The following KAZN variants were observed in gnomAD, a reference collection of about 807,000 sequenced individuals.
KAZN encodes the protein kazrin.
KAZN carries 40 observed loss-of-function variants against 87.4 expected under a neutral mutation model. That is an observed-to-expected ratio of 0.46 (90% confidence interval 0.36 to 0.60). KAZN has a LOEUF of 0.60. Among genes scored for constraint, KAZN ranks in the 20% least tolerant of loss-of-function variants. The pLI, the probability that KAZN is intolerant of heterozygous loss-of-function variation, is 0.00. For synonymous variants in KAZN, 466 were observed against 458.3 expected (o/e 1.02, Z -0.22); for missense variants, 898 against 1,073.9 (o/e 0.84, Z 2.29).
At chr1:14,624,678 G>A (rs910535870) in intron 1 of KAZN, among the ~76,000 whole-genome samples, 4 of 152,192 alleles carry the variant, frequency 2.6e-5, no homozygotes, top group Admixed American at 1.3e-4. Flanking sequence ...GGTGAAGAGA[G>A]TTCATTCATT....
chr1:14,326,203 G>A (rs1182921787), intron 2 of KAZN, among the ~76,000 whole-genome samples: 5 of 151,190 alleles, frequency 3.3e-5, no homozygotes, highest in South Asian at 4.2e-4. Context: ...CCCTACCCCC[G>A]CCCCACCGCC....
intron 1 of KAZN, among the ~76,000 whole-genome samples, chr1:14,012,368 T>G (rs780512186): frequency 3.4e-4 from 51 of 152,230 alleles, no homozygotes; most frequent in Admixed American, 2.6e-4. Context: ...TATTTAATTC[T>G]TATTCCAAAA....
chr1:15,044,176 C>A lies in KAZN; in HGVS notation c.726+17C>A. 2.5e-6 allele frequency: 4 copies of A among 1,576,140 alleles called. No individual in the cohort carries two copies. The highest frequency in any genetic ancestry group is 3.5e-6 in the Non-Finnish European group (4 of 1,157,712). On this transcript the variant is annotated intron_variant, in intron 4 of 14. Transcript: ENST00000376030. Reference sequence around the variant, plus strand: ...CTGGCCATGGTGAGAACCCTCCCCACCCAGGTGGGCCTGGCATCTGCTAGC... The same window carrying A: ...CTGGCCATGGTGAGAACCCTCCCCAACCAGGTGGGCCTGGCATCTGCTAGC...
intron 1 of KAZN, among the ~76,000 whole-genome samples, chr1:14,683,518 C>T (rs1014728469): frequency 2.0e-5 from 3 of 152,202 alleles, no homozygotes; most frequent in African/African-American, 7.2e-5. Flanking sequence ...ACGTTTTCTC[C>T]ACTCCAGCCC....
At chr1:14,085,739 T>TG (rs1643834488) in intron 1 of KAZN, among the ~76,000 whole-genome samples, 1 of 152,186 alleles carries the variant, frequency 6.6e-6, no homozygotes, top group South Asian at 2.1e-4. Context: ...TCTTTCTAGG[T>TG]GGATATGAGC....
At chr1:14,194,011 T>C (rs541038732) in intron 2 of KAZN, among the ~76,000 whole-genome samples, 51 of 152,274 alleles carry the variant, frequency 3.3e-4, no homozygotes, top group African/African-American at 1.2e-3. Context: ...ACCTGGCTTA[T>C]GGCTTTCTTT....
At chr1:14,064,502 C>T (rs1253412549) in intron 1 of KAZN, among the ~76,000 whole-genome samples, 6 of 152,364 alleles carry the variant, frequency 3.9e-5, no homozygotes. Flanking sequence ...TAGAGGGGCT[C>T]ACTAAGCTGA....
In KAZN at chr1:15,084,402, C is replaced by T. The variant is rs1190808268; in HGVS notation, c.1223-9778C>T. Among the ~76,000 whole-genome samples the T allele has an allele frequency of 2.6e-5, 4 of 152,216 alleles. No homozygotes were observed. In the East Asian group the frequency reaches 7.7e-4, roughly 29 times the overall value. ...GGAAGACATATTCGGAAGGGCCTCC[C>T]TCTACAAAACCAATAAATCTGGAAT... is the stretch of plus-strand genomic sequence containing the variant. On this transcript the variant is annotated intron_variant, in intron 8 of 14. Coordinates refer to ENST00000376030, the MANE Select transcript of KAZN (RefSeq NM_201628.3).
chr1:14,112,057 T>C (rs1644511419), intron 1 of KAZN, among the ~76,000 whole-genome samples: 1 of 152,080 alleles, frequency 6.6e-6, no homozygotes, highest in South Asian at 2.1e-4. Context: ...AGATTCTAAC[T>C]TCTGGCCTGG....
Position 15,094,440 on chromosome 1 carries a change from C to A in KAZN, c.1428+55C>A. On this transcript the variant is annotated intron_variant, in intron 9 of 14. Coordinates refer to ENST00000376030, the MANE Select transcript of KAZN (RefSeq NM_201628.3). The surrounding 1 kb of genome is among the most constrained non-coding windows in gnomAD (Gnocchi z 4.5). Reference sequence around the variant, plus strand: ...CCACCCATGCCCTCTGTGAGCTTTACGTACCCAGAAGCTGGCCTGCCCCCC... The same window carrying A: ...CCACCCATGCCCTCTGTGAGCTTTAAGTACCCAGAAGCTGGCCTGCCCCCC... 1 of 1,508,034 alleles carries A rather than the reference C, an allele frequency of 6.6e-7. No homozygotes were observed. The highest frequency in any genetic ancestry group is 9.0e-7 in the Non-Finnish European group (1 of 1,107,084). 93.4% of individuals were successfully genotyped at this position (1,508,034 alleles called of 1,614,324 possible).
chr1:14,962,011 G>A (rs778297643), intron 2 of KAZN, among the ~76,000 whole-genome samples: 1 of 152,244 alleles, frequency 6.6e-6, no homozygotes, highest in Non-Finnish European at 1.5e-5. Context: ...CCTAGATGCA[G>A]AGGGTTCTGG....
At chr1:14,004,215 A>T (rs556500482) in intron 1 of KAZN, among the ~76,000 whole-genome samples, 31 of 152,324 alleles carry the variant, frequency 2.0e-4, no homozygotes, top group African/African-American at 7.5e-4. Flanking sequence ...AAAATGACAG[A>T]TGATATCTAA....
rs2100568553 is a variant in KAZN, at chr1:15,066,146, T to A, written c.1222+393T>A. ...TTTTTGTTTGGTTCGTCGGTTTGTT[T>A]TTGTTTTTGTTTTTTTCCCCCTTTC... On this transcript the variant is annotated intron_variant, in intron 8 of 14. Transcript: ENST00000376030. The surrounding 1 kb of genome is among the most constrained non-coding windows in gnomAD (Gnocchi z 4.3). 1 of 1,040,824 alleles carries A rather than the reference T, an allele frequency of 9.6e-7. No homozygotes were observed. Among genetic ancestry groups the A allele is most frequent in the African/African-American group, 1.7e-5 (1 of 59,602 alleles). The allele number at this position is 1,040,824 out of a possible 1,614,324, so 64.5% of individuals were successfully genotyped here. A position where few individuals can be genotyped will look rare whatever the true frequency, so the allele number is the denominator to read the frequency against.
At chr1:14,716,541 C>T (rs112014159) in intron 1 of KAZN, among the ~76,000 whole-genome samples, 72 of 152,282 alleles carry the variant, frequency 4.7e-4, no homozygotes, top group African/African-American at 1.6e-3. Context: ...ACCTCCCTGT[C>T]GGCAGCCTTG....
At position 15,101,771 on chromosome 1, in the gene KAZN, G is replaced by A. The variant is rs759089407; in HGVS notation, c.1776G>A (p.Arg592=). Residue 592 remains arginine, a synonymous_variant, in exon 11 of 15, where the codon AGG becomes AGA. Coordinates refer to ENST00000376030, the MANE Select transcript of KAZN (RefSeq NM_201628.3). ...TGCTGTACCAAGTGAACTTCAGCAG[G>A]GAGGTGAGGACCAGGGCACAGGGTG... is the stretch of plus-strand genomic sequence containing the variant. ...IELLYQVNFS[R]EALQERRARC... The A allele has an allele frequency of 3.9e-5, 61 of 1,570,134 alleles. No individual in the cohort carries two copies. In the East Asian group the frequency reaches 1.4e-3, roughly 37 times the overall value.
At chr1:14,472,257 C>T (rs148939709) in intron 2 of KAZN, among the ~76,000 whole-genome samples, 376 of 152,256 alleles carry the variant, frequency 2.5e-3, no homozygotes, top group African/African-American at 8.6e-3. Context: ...CATACAGAAA[C>T]GTTCAGACCA....
intron 2 of KAZN, among the ~76,000 whole-genome samples, chr1:14,401,601 A>G (rs1359342980): frequency 6.6e-6 from 1 of 152,146 alleles, no homozygotes; most frequent in Non-Finnish European, 1.5e-5. Flanking sequence ...GGATCACTTG[A>G]GCCCAGGAGT....
At chr1:14,624,370 C>T (rs577863210) in intron 1 of KAZN, among the ~76,000 whole-genome samples, 1 of 151,132 alleles carries the variant, frequency 6.6e-6, no homozygotes, top group Non-Finnish European at 1.5e-5. Flanking sequence ...TGCAGTGAGC[C>T]AAGATCGCGC....
chr1:14,711,456 C>A (rs12143402), intron 1 of KAZN, among the ~76,000 whole-genome samples: 1 of 151,924 alleles, frequency 6.6e-6, no homozygotes, highest in Non-Finnish European at 1.5e-5. Context: ...AAGAAAGGCA[C>A]GACACGCAGG....
Sources: allele counts gnomAD v4.1 joint callset (sites outside exome capture counted in the v4.1 genomes callset), GRCh38; gene constraint gnomAD v4.1.1; non-coding constraint Gnocchi (gnomAD v3.1); transcripts MANE v1.5; gene names NCBI Gene and HGNC (gene_info 2026-07-23, HGNC 2026-07-21).